The following ACBD6 variants were observed in gnomAD, a reference collection of about 807,000 sequenced individuals.
The protein encoded by ACBD6 is acyl-CoA-binding domain-containing protein 6.
In ACBD6, 28 loss-of-function variants were observed where a neutral mutation model predicts 37.2. The observed-to-expected ratio is 0.75, with a 90% CI of 0.56 to 1.03. ACBD6 has a LOEUF of 1.03. Ranked by LOEUF, ACBD6 falls within the 50% of genes least tolerant of loss-of-function variation. The pLI is 0.00. For synonymous variants in ACBD6, 113 were observed against 126.8 expected, an observed-to-expected ratio of 0.89 and a Z score of 0.73; for missense variants, 340 against 337.4, an observed-to-expected ratio of 1.01 and a Z score of -0.06.
intron 5 of ACBD6, among the ~76,000 whole-genome samples, chr1:180,408,302 T>C (rs1317803355): frequency 1.3e-5 from 2 of 152,186 alleles, no homozygotes; most frequent in Non-Finnish European, 2.9e-5. Context: ...AAATTAAAAG[T>C]TGTGATATCA....
At chr1:180,271,520 A>G in exon 14 of ACBD6, 1 of 1,614,154 alleles carries the variant, frequency 6.2e-7, no homozygotes, top group Non-Finnish European at 8.5e-7. Context: ...AGGCCTGGAC[A>G]TGAGGGTCGT....
In ACBD6 at chr1:180,442,912, T is replaced by C. The variant is rs116658864; in HGVS notation, c.385-12650A>G. 4.7e-3 allele frequency among the ~76,000 whole-genome samples: 720 copies of C among 152,342 alleles called. 5 individuals are homozygous for C. Among genetic ancestry groups the C allele is most frequent in the Non-Finnish European group, 5.5e-3 (374 of 68,032 alleles). On this transcript the variant is annotated intron_variant, in intron 3 of 7. Coordinates refer to ENST00000367595, the MANE Select transcript of ACBD6 (RefSeq NM_032360.4). ...TTGTAAAGTAAGTGTTTTCATGTCC[T>C]TGTCTGTTATTTTATCATCTTTATC...
chr1:180,443,581 T>C (rs1041894429), intron 3 of ACBD6, among the ~76,000 whole-genome samples: 3 of 152,052 alleles, frequency 2.0e-5, no homozygotes, highest in African/African-American at 7.2e-5. Flanking sequence ...AGGTAATAAA[T>C]GGGACGCACC....
At chr1:180,354,693 G>A (rs967625149) in intron 6 of ACBD6, among the ~76,000 whole-genome samples, 1 of 152,104 alleles carries the variant, frequency 6.6e-6, no homozygotes, top group South Asian at 2.1e-4. Context: ...CTGGTTTTAA[G>A]GAGAATGAAT....
At chr1:180,422,945 T>C (rs72714879) in intron 4 of ACBD6, among the ~76,000 whole-genome samples, 24,032 of 152,262 alleles carry the variant, frequency 0.16, 1,958 homozygotes, top group Middle Eastern at 0.22. Context: ...CATGCAGTTA[T>C]GATTTAATAC....
chr1:180,332,765 A>C (rs1318177470), intron 6 of ACBD6, among the ~76,000 whole-genome samples: 2 of 152,152 alleles, frequency 1.3e-5, no homozygotes, highest in Non-Finnish European at 2.9e-5. Flanking sequence ...AATCATCCTG[A>C]AACCATCCCC....
At chr1:180,500,644 A>C (rs1323458098) in intron 1 of ACBD6, among the ~76,000 whole-genome samples, 1 of 151,040 alleles carries the variant, frequency 6.6e-6, no homozygotes, top group Non-Finnish European at 1.5e-5. Flanking sequence ...CAGTGAGCTA[A>C]GATCCAGCCA....
chr1:180,374,207 C>T (rs999162350), intron 6 of ACBD6, among the ~76,000 whole-genome samples: 1 of 152,112 alleles, frequency 6.6e-6, no homozygotes, highest in Non-Finnish European at 1.5e-5. Flanking sequence ...GAAAAATAAA[C>T]CATTACATAT....
intron 4 of ACBD6, among the ~76,000 whole-genome samples, chr1:180,416,739 T>C (rs1195470755): frequency 6.6e-6 from 1 of 152,208 alleles, no homozygotes; most frequent in Non-Finnish European, 1.5e-5. Flanking sequence ...GGAGAGTGTT[T>C]AAGTACGGCT....
At chr1:180,347,957 A>AT (rs1013087993) in intron 6 of ACBD6, among the ~76,000 whole-genome samples, 197 of 152,244 alleles carry the variant, frequency 1.3e-3, no homozygotes, top group South Asian at 3.7e-3. Context: ...CGTCTCAAAA[A>AT]AAAAAAAGAG....
chr1:180,352,630 A>T (rs1652461975), intron 6 of ACBD6, among the ~76,000 whole-genome samples: 1 of 152,216 alleles, frequency 6.6e-6, no homozygotes, highest in Non-Finnish European at 1.5e-5. Flanking sequence ...AGAGACAGTA[A>T]GGGTAAACAA....
chr1:180,450,555 G>A (rs577861383), intron 3 of ACBD6, among the ~76,000 whole-genome samples: 36 of 152,248 alleles, frequency 2.4e-4, no homozygotes, highest in Non-Finnish European at 4.3e-4. Flanking sequence ...TCAGGAGATC[G>A]AGACCATCCT....
intron 7 of ACBD6, among the ~76,000 whole-genome samples, chr1:180,299,486 A>T (rs1218825507): frequency 6.6e-6 from 1 of 152,218 alleles, no homozygotes; most frequent in Admixed American, 6.5e-5. Flanking sequence ...ACACTGGCAC[A>T]GGTGAAGATG....
intron 5 of ACBD6, among the ~76,000 whole-genome samples, chr1:180,407,309 AG>A (rs1647666086): frequency 6.6e-6 from 1 of 152,226 alleles, no homozygotes; most frequent in Non-Finnish European, 1.5e-5. Flanking sequence ...CTGAGGGTAA[AG>A]GTAGCTGCAT....
chr1:180,445,118 T>C (rs1318908273), intron 3 of ACBD6, among the ~76,000 whole-genome samples: 3 of 152,232 alleles, frequency 2.0e-5, no homozygotes, highest in Non-Finnish European at 4.4e-5. Flanking sequence ...CATACCTATT[T>C]ATATTTATAC....
chr1:180,435,490 A>G (rs1255916026), intron 3 of ACBD6: 4 of 547,542 alleles, frequency 7.3e-6, no homozygotes, highest in Non-Finnish European at 1.3e-5. Flanking sequence ...TGACCTCGTG[A>G]TCCGCCCGCC....
At position 180,382,834 on chromosome 1, in the gene ACBD6, G is replaced by C. The variant is rs115061754; in HGVS notation, c.663+14682C>G. Among the ~76,000 whole-genome samples the C allele has an allele frequency of 1.0e-3, 158 of 152,174 alleles. 2 individuals are homozygous for C. Among genetic ancestry groups the C allele is most frequent in the Middle Eastern group, 6.8e-3 (2 of 294 alleles). ...AAATACTAGCAAACCAAATCCAACA[G>C]TACAGAATACATCATGATCAAATGG... On this transcript the variant is annotated intron_variant, in intron 6 of 7. Transcript: ENST00000367595.
chr1:180,404,862 G>C (rs771888958), intron 5 of ACBD6, among the ~76,000 whole-genome samples: 2 of 152,108 alleles, frequency 1.3e-5, no homozygotes, highest in East Asian at 1.9e-4. Flanking sequence ...AAAATAAGTT[G>C]CCAAAGCTCA....
intron 6 of ACBD6, among the ~76,000 whole-genome samples, chr1:180,391,431 A>G (rs2101942364): frequency 6.6e-6 from 1 of 152,320 alleles, no homozygotes; most frequent in African/African-American, 2.4e-5. Context: ...TATCCAAAAC[A>G]TATAACTCTT....
Sources: gnomAD v4.1 joint callset for allele counts (sites outside exome capture counted in the v4.1 genomes callset) on GRCh38, gnomAD v4.1.1 for gene constraint, MANE v1.5 for transcripts, NCBI Gene and HGNC (gene_info 2026-07-23, HGNC 2026-07-21) for gene names.